The following LRP1B variants were observed in gnomAD, a reference collection of about 807,000 sequenced individuals.
LRP1B encodes low-density lipoprotein receptor-related protein 1B.
In LRP1B, 217 loss-of-function variants were observed where a neutral mutation model predicts 556.6. That is an observed-to-expected ratio of 0.39 (90% CI 0.35 to 0.44). LRP1B has a LOEUF of 0.44. LRP1B is among the 20% of genes least tolerant of loss of function. The pLI is 1.00. For missense variants in LRP1B, 5,053 were observed against 5,620.8 expected, an observed-to-expected ratio of 0.90 and a Z score of 3.23; for synonymous variants, 2,047 against 1,865.8, an observed-to-expected ratio of 1.10 and a Z score of -2.50.
chr2:141,711,655 T>C (rs1692362526), intron 2 of LRP1B, among the ~76,000 whole-genome samples: 1 of 152,152 alleles, frequency 6.6e-6, no homozygotes. Context: ...ATGTTAAACT[T>C]ACATAAAATA....
chr2:140,236,469 A>T (rs1454798741), intron 89 of LRP1B, among the ~76,000 whole-genome samples: 2 of 151,122 alleles, frequency 1.3e-5, no homozygotes, highest in East Asian at 3.9e-4. Flanking sequence ...ATATTCTAAA[A>T]TTATCAGAAA....
intron 11 of LRP1B, among the ~76,000 whole-genome samples, chr2:141,031,517 G>C (rs1698370460): frequency 6.6e-6 from 1 of 151,702 alleles, no homozygotes; most frequent in Non-Finnish European, 1.5e-5. Flanking sequence ...ATAATCTTCT[G>C]GGTAGTTTCA....
At chr2:140,297,496 A>C (rs939691443) in intron 84 of LRP1B, among the ~76,000 whole-genome samples, 6 of 152,106 alleles carry the variant, frequency 3.9e-5, no homozygotes, top group Non-Finnish European at 8.8e-5. Flanking sequence ...GGAGAGATGG[A>C]GAATTGGATT....
intron 66 of LRP1B, among the ~76,000 whole-genome samples, chr2:140,392,392 A>G (rs765085771): frequency 9.2e-5 from 14 of 152,170 alleles, no homozygotes; most frequent in Non-Finnish European, 1.6e-4. Context: ...AGACAAATGC[A>G]TATCTGATTG....
At chr2:141,261,312 C>G (rs145856675) in intron 3 of LRP1B, among the ~76,000 whole-genome samples, 1 of 152,062 alleles carries the variant, frequency 6.6e-6, no homozygotes, top group Non-Finnish European at 1.5e-5. Context: ...GATAGAGCAG[C>G]GAGGCAATGC....
At chr2:141,528,310 G>A (rs768478573) in intron 2 of LRP1B, among the ~76,000 whole-genome samples, 12 of 151,726 alleles carry the variant, frequency 7.9e-5, no homozygotes, top group Non-Finnish European at 1.6e-4. Context: ...TTCCTGATAC[G>A]GTAACTGGTT....
At chr2:141,767,257 A>T (rs112542683) in intron 2 of LRP1B, among the ~76,000 whole-genome samples, 1 of 152,068 alleles carries the variant, frequency 6.6e-6, no homozygotes, top group Non-Finnish European at 1.5e-5. Flanking sequence ...CTATGCAAGG[A>T]AAGTATAAGG....
At chr2:141,523,632 C>G (rs549472710) in intron 2 of LRP1B, among the ~76,000 whole-genome samples, 14 of 152,084 alleles carry the variant, frequency 9.2e-5, no homozygotes, top group African/African-American at 3.4e-4. Flanking sequence ...TTCAAAATTC[C>G]CCTTCCTTTT....
At chr2:141,071,236 C>A (rs1458904693) in intron 7 of LRP1B, among the ~76,000 whole-genome samples, 1 of 149,980 alleles carries the variant, frequency 6.7e-6, no homozygotes, top group Admixed American at 6.7e-5. Context: ...AGCATATAAA[C>A]AGAACCAAAG....
intron 20 of LRP1B, among the ~76,000 whole-genome samples, chr2:140,939,613 A>T (rs1454428374): frequency 6.6e-6 from 1 of 150,746 alleles, no homozygotes; most frequent in Non-Finnish European, 1.5e-5. Context: ...AAGATATCAC[A>T]TATGACCCAG....
intron 2 of LRP1B, among the ~76,000 whole-genome samples, chr2:141,618,570 C>T (rs917361560): frequency 5.3e-5 from 8 of 152,098 alleles, no homozygotes; most frequent in Non-Finnish European, 8.8e-5. Flanking sequence ...TATAAAAATA[C>T]GTGGTCATTT....
intron 3 of LRP1B, among the ~76,000 whole-genome samples, chr2:141,291,713 GGGAGT>G (rs1185633889): frequency 1.3e-5 from 2 of 151,760 alleles, no homozygotes; most frequent in Admixed American, 1.3e-4. Flanking sequence ...AAAATTAGCC[GGGAGT>G]GGTGGCGGGC....
At chr2:141,157,182 C>G (rs1034003965) in intron 7 of LRP1B, among the ~76,000 whole-genome samples, 1 of 151,902 alleles carries the variant, frequency 6.6e-6, no homozygotes, top group African/African-American at 2.4e-5. Flanking sequence ...TATTTGCTCT[C>G]AAGTTTTATA....
chr2:140,240,632 G>A (rs1355746852), intron 87 of LRP1B, among the ~76,000 whole-genome samples: 1 of 150,852 alleles, frequency 6.6e-6, no homozygotes, highest in Admixed American at 6.6e-5. Flanking sequence ...TAGTACACAT[G>A]AAACAAAGGC....
At chr2:141,149,449 A>T (rs566898038) in intron 7 of LRP1B, among the ~76,000 whole-genome samples, 1 of 152,152 alleles carries the variant, frequency 6.6e-6, no homozygotes, top group Non-Finnish European at 1.5e-5. Flanking sequence ...TAATCTTCTC[A>T]ATGGTTTACC....
In LRP1B at chr2:140,655,032, G is replaced by GTATATATATATATATATA. The variant is rs145869246; in HGVS notation, c.6799+45217_6799+45218insTATATATATATATATATA. Among the ~76,000 whole-genome samples, 771 of 147,064 alleles carry GTATATATATATATATATA rather than the reference G, an allele frequency of 5.2e-3. 7 individuals are homozygous for GTATATATATATATATATA. Among genetic ancestry groups the GTATATATATATATATATA allele is most frequent in the South Asian group, 8.9e-3 (42 of 4,716 alleles). Reference sequence around the variant, plus strand: ...GAGAAATTTGTATGGGTATATGTATGTATATATATATATATCTCCTAGCTC... The same window carrying GTATATATATATATATATA: ...GAGAAATTTGTATGGGTATATGTATGTATATATATATATATATATATATATATATATATCTCCTAGCTC... On this transcript the variant is annotated intron_variant, in intron 41 of 90. Coordinates refer to ENST00000389484, the MANE Select transcript of LRP1B (RefSeq NM_018557.3).
chr2:140,873,259 G>A (rs542141177), intron 25 of LRP1B, among the ~76,000 whole-genome samples: 1 of 151,982 alleles, frequency 6.6e-6, no homozygotes, highest in East Asian at 1.9e-4. Flanking sequence ...AGCCCAAGAC[G>A]GAATGATCTT....
chr2:140,464,390 C>T lies in LRP1B; in HGVS notation c.9626-6739G>A, dbSNP rs1480982487. Among the ~76,000 whole-genome samples the T allele has an allele frequency of 4.6e-5, 7 of 152,060 alleles. No individual in the cohort carries two copies. In the South Asian group the frequency reaches 1.4e-3, roughly 31 times the overall value. ...AGATTAGGAATATTAGATTTAACAT[C>T]ATTTAATCTCTTCCTTTCCCTTACC... On this transcript the variant is annotated intron_variant, in intron 60 of 90. Transcript: ENST00000389484.
chr2:140,232,987 T>C lies in LRP1B; in HGVS notation c.*199A>G. On this transcript the variant is annotated 3_prime_UTR_variant, in exon 91 of 91. Coordinates refer to ENST00000389484, the MANE Select transcript of LRP1B (RefSeq NM_018557.3). Reference sequence around the variant, plus strand: ...AAATTGTACTGTAGTGCAGTTCTTTTTCATAAAAATACCATACAAATGGTC... The same window carrying C: ...AAATTGTACTGTAGTGCAGTTCTTTCTCATAAAAATACCATACAAATGGTC... 2.5e-6 allele frequency: 1 copy of C among 404,738 alleles called. No homozygotes were observed. Among genetic ancestry groups the C allele is most frequent in the Non-Finnish European group, 4.4e-6 (1 of 228,538 alleles). The allele number at this position is 404,738 out of a possible 1,614,324, so 25.1% of individuals were successfully genotyped here.
Sources: allele counts gnomAD v4.1 joint callset (sites outside exome capture counted in the v4.1 genomes callset), GRCh38; gene constraint gnomAD v4.1.1; transcripts MANE v1.5; gene names NCBI Gene and HGNC (gene_info 2026-07-23, HGNC 2026-07-21).